ROBO2: variants seen among roughly 807,000 people sequenced by gnomAD.
The protein encoded by ROBO2 is roundabout guidance receptor 2.
In ROBO2, 53 loss-of-function variants were observed where a neutral mutation model predicts 160.8. That is an observed-to-expected ratio of 0.33 (90% confidence interval 0.26 to 0.41). ROBO2 has a LOEUF of 0.41. ROBO2 is among the 10% of genes least tolerant of loss of function. The probability of loss-of-function intolerance (pLI) is 1.00; values close to 1 mark genes in which losing one functional copy is unlikely to be tolerated. For missense variants in ROBO2, 1,577 were observed against 1,722.4 expected (o/e 0.92, Z 1.49); for synonymous variants, 664 against 611.7 (o/e 1.09, Z -1.26).
At chr3:76,673,588 C>G (rs2092327207) in intron 2 of ROBO2, among the ~76,000 whole-genome samples, 1 of 152,114 alleles carries the variant, frequency 6.6e-6, no homozygotes, top group Admixed American at 6.6e-5. Flanking sequence ...GAAATGTTAA[C>G]TTTTAAAAAC....
At chr3:75,937,616 T>C in intron 2 of ROBO2, 12 of 1,471,304 alleles carry the variant, frequency 8.2e-6, no homozygotes, top group Non-Finnish European at 1.1e-5. Context: ...AGTGCAAGGA[T>C]GTTCTAATTC....
intron 2 of ROBO2, among the ~76,000 whole-genome samples, chr3:77,432,811 G>A (rs137887674): frequency 1.2e-3 from 181 of 152,208 alleles, no homozygotes; most frequent in African/African-American, 4.1e-3. Flanking sequence ...TAGTCGACCC[G>A]TATGCTGGTT....
intron 2 of ROBO2, among the ~76,000 whole-genome samples, chr3:76,828,404 T>C (rs1395674904): frequency 6.6e-6 from 1 of 152,128 alleles, no homozygotes; most frequent in African/African-American, 2.4e-5. Flanking sequence ...ACACCCACCC[T>C]TAAACAAACA....
intron 2 of ROBO2, among the ~76,000 whole-genome samples, chr3:77,156,756 A>G (rs1402555509): frequency 2.0e-5 from 3 of 149,890 alleles, no homozygotes; most frequent in Admixed American, 1.3e-4. Context: ...TAGAATATAT[A>G]AAAATATTTA....
intron 2 of ROBO2, among the ~76,000 whole-genome samples, chr3:77,313,747 G>C (rs1181592247): frequency 6.6e-6 from 1 of 152,064 alleles, no homozygotes; most frequent in Non-Finnish European, 1.5e-5. Flanking sequence ...ACCACGCCCA[G>C]CTAATTTTGT....
At chr3:76,505,451 C>A (rs1338017461) in intron 2 of ROBO2, among the ~76,000 whole-genome samples, 1 of 151,960 alleles carries the variant, frequency 6.6e-6, no homozygotes, top group Non-Finnish European at 1.5e-5. Flanking sequence ...CAACTGCTGG[C>A]ACCTGTGAAT....
exon 26 of ROBO2, chr3:77,649,186 A>G (rs1036457403): frequency 1.3e-5 from 2 of 152,218 alleles, no homozygotes; most frequent in African/African-American, 4.8e-5. Flanking sequence ...CAAAACCAAC[A>G]TATAAGGTAT....
intron 2 of ROBO2, among the ~76,000 whole-genome samples, chr3:77,248,255 G>A (rs2089956871): frequency 6.6e-6 from 1 of 152,090 alleles, no homozygotes; most frequent in South Asian, 2.1e-4. Flanking sequence ...GAAATCCCCT[G>A]CATTTACCAT....
At chr3:76,052,037 G>C (rs1425256791) in intron 2 of ROBO2, among the ~76,000 whole-genome samples, 4 of 151,966 alleles carry the variant, frequency 2.6e-5, no homozygotes, top group African/African-American at 9.7e-5. Flanking sequence ...TTCATGAAAT[G>C]GGAATATGAA....
chr3:77,546,601 A>G, intron 7 of ROBO2, 139 bp downstream of exon 8: 1 of 1,091,450 alleles, frequency 9.2e-7, no homozygotes, highest in East Asian at 2.4e-5. Flanking sequence ...TGAATGTAAA[A>G]ATAAGTAGGA....
intron 2 of ROBO2, among the ~76,000 whole-genome samples, chr3:76,259,157 G>A (rs1322337557): frequency 6.6e-6 from 1 of 151,874 alleles, no homozygotes; most frequent in East Asian, 1.9e-4. Context: ...GTTTTGTTTT[G>A]TTTTGCTTTT....
At chr3:75,917,123 A>G (rs1946846098) in intron 1 of ROBO2, among the ~76,000 whole-genome samples, 1 of 152,064 alleles carries the variant, frequency 6.6e-6, no homozygotes, top group Non-Finnish European at 1.5e-5. Flanking sequence ...TGCACCTATC[A>G]ACCCGTTATC....
intron 2 of ROBO2, among the ~76,000 whole-genome samples, chr3:76,561,011 A>C (rs929533086): frequency 6.7e-6 from 1 of 148,582 alleles, no homozygotes; most frequent in Non-Finnish European, 1.5e-5. Context: ...CAAGCTCAAC[A>C]GTCAAGCTAT....
At chr3:76,062,810 C>A (rs1222574521) in intron 2 of ROBO2, among the ~76,000 whole-genome samples, 2 of 152,078 alleles carry the variant, frequency 1.3e-5, no homozygotes, top group Non-Finnish European at 2.9e-5. Context: ...CCAGATAATG[C>A]CTTCTAGACC....
chr3:76,760,715 G>C (rs1323682127), intron 2 of ROBO2, among the ~76,000 whole-genome samples: 1 of 44,642 alleles, frequency 2.2e-5, no homozygotes, highest in Non-Finnish European at 5.0e-5. Flanking sequence ...CTCTGAGTCG[G>C]TAAGTTAAAG....
intron 2 of ROBO2, among the ~76,000 whole-genome samples, chr3:76,506,741 TA>T (rs1402959220): frequency 6.6e-6 from 1 of 152,198 alleles, no homozygotes; most frequent in Admixed American, 6.5e-5. Context: ...TGAAAACAGC[TA>T]AACATAAAAT....
intron 2 of ROBO2, among the ~76,000 whole-genome samples, chr3:76,089,730 G>A (rs965577523): frequency 2.6e-5 from 4 of 152,202 alleles, no homozygotes; most frequent in Middle Eastern, 3.4e-3. Flanking sequence ...AATATCATAC[G>A]TAACAGTGAG....
intron 2 of ROBO2, among the ~76,000 whole-genome samples, chr3:75,987,085 A>G (rs2065434494): frequency 6.6e-6 from 1 of 151,776 alleles, no homozygotes; most frequent in African/African-American, 2.4e-5. Flanking sequence ...TTTAGAATAG[A>G]TTATTTCTTT....
chr3:77,188,949 T>TTG (rs369545817), intron 2 of ROBO2, among the ~76,000 whole-genome samples: 6,914 of 142,918 alleles, frequency 0.048, 506 homozygotes, highest in African/African-American at 0.16. Flanking sequence ...TTTTGTAATC[T>TTG]TGTGTGTGTG....
Sources: allele counts gnomAD v4.1 joint callset (sites outside exome capture counted in the v4.1 genomes callset), GRCh38; gene constraint gnomAD v4.1.1; transcripts MANE v1.5; gene names NCBI Gene and HGNC (gene_info 2026-07-23, HGNC 2026-07-21).